The following NEIL2 variants were observed in gnomAD, a reference collection of about 807,000 sequenced individuals.
NEIL2 encodes the protein nei like DNA glycosylase 2.
In NEIL2, 23 loss-of-function variants were observed where a neutral mutation model predicts 22.2. The observed-to-expected ratio is 1.04, with a 90% CI of 0.75 to 1.47. The LOEUF (loss-of-function observed/expected upper bound fraction) is 1.47. NEIL2 is among the 40% of genes most tolerant of loss of function. The probability of loss-of-function intolerance (pLI) is 0.00; values close to 1 mark genes in which losing one functional copy is unlikely to be tolerated. For missense variants in NEIL2, 583 were observed against 404.7 expected, an observed-to-expected ratio of 1.44 and a Z score of -3.78; for synonymous variants, 229 against 164.8, an observed-to-expected ratio of 1.39 and a Z score of -2.99.
chr8:11,773,709 A>G (rs1803668656), intron 2 of NEIL2, among the ~76,000 whole-genome samples: 1 of 152,170 alleles, frequency 6.6e-6, no homozygotes, highest in African/African-American at 2.4e-5. Context: ...TTGATGAGGC[A>G]GGAGGGAGCT....
intron 2 of NEIL2, 120 bp downstream of exon 2, chr8:11,771,705 C>G: frequency 1.0e-6 from 1 of 958,228 alleles, no homozygotes. Flanking sequence ...AGCTCGGACT[C>G]CATGCAGCTC....
chr8:11,776,408 A>G (rs1171171420), intron 2 of NEIL2, among the ~76,000 whole-genome samples: 3 of 152,278 alleles, frequency 2.0e-5, no homozygotes, highest in African/African-American at 7.2e-5. Context: ...GCCAAACCAT[A>G]TCACACATTT....
At chr8:11,783,455 C>T (rs564814661) in intron 4 of NEIL2, 56 bp downstream of exon 4, 22 of 1,526,628 alleles carry the variant, frequency 1.4e-5, no homozygotes, top group Middle Eastern at 1.8e-4. Context: ...AAAAGTCGGT[C>T]CTGTGGGAGT....
Position 11,786,049 on chromosome 8 carries a change from G to A in NEIL2, c.775G>A (p.Val259Ile). ...GSVLSASRRE[V>I]LVDHVVEFST... ...AGTCCTGAGTGCCTCGCGTCGGGAG[G>A]TCCTGGTGGATCACGTGGTGGAGTT... is the stretch of plus-strand genomic sequence containing the variant. Residue 259 changes from valine (V) to isoleucine (I), a missense_variant, in exon 5 of 5, where the codon GTC becomes ATC. Val to Ile is a conservative substitution (Grantham distance 29). Coordinates refer to ENST00000284503, the MANE Select transcript of NEIL2 (RefSeq NM_145043.4). The A allele has an allele frequency of 6.2e-7, 1 of 1,614,176 alleles. No individual in the cohort carries two copies.
At chr8:11,783,801 C>T (rs1804656034) in intron 4 of NEIL2, among the ~76,000 whole-genome samples, 1 of 152,162 alleles carries the variant, frequency 6.6e-6, no homozygotes, top group South Asian at 2.1e-4. Context: ...GAGCAGTGAG[C>T]GCGTGTTCTA....
chr8:11,777,303 T>C (rs1187760658), intron 2 of NEIL2, among the ~76,000 whole-genome samples: 1 of 152,048 alleles, frequency 6.6e-6, no homozygotes, highest in Non-Finnish European at 1.5e-5. Context: ...TAGCCACACT[T>C]TTCTCTGTGC....
At chr8:11,774,805 A>C (rs1314999732) in intron 2 of NEIL2, among the ~76,000 whole-genome samples, 1 of 152,254 alleles carries the variant, frequency 6.6e-6, no homozygotes, top group Non-Finnish European at 1.5e-5. Flanking sequence ...TGCAAGTCTG[A>C]AATCCAGTGA....
chr8:11,770,155 C>T lies in NEIL2; in HGVS notation c.-183C>T, dbSNP rs1240781254. On this transcript the variant is annotated 5_prime_UTR_variant, in exon 1 of 5. Transcript: ENST00000284503. ...CTTCAGCGACTCTTCGAAGTCCCTTCCGCGTCTCATCTTTCAAGGCTGTTG... is the reference window on the plus strand; with the variant it reads ...CTTCAGCGACTCTTCGAAGTCCCTTTCGCGTCTCATCTTTCAAGGCTGTTG... 3 of 152,222 alleles carry T rather than the reference C, an allele frequency of 2.0e-5. No homozygotes were observed. Among genetic ancestry groups the T allele is most frequent in the Admixed American group, 6.5e-5 (1 of 15,288 alleles). 9.4% of individuals were successfully genotyped at this position (152,222 alleles called of 1,614,324 possible). A position where few individuals can be genotyped will look rare whatever the true frequency, so the allele number is the denominator to read the frequency against.
intron 2 of NEIL2, among the ~76,000 whole-genome samples, chr8:11,775,279 C>G (rs1214147348): frequency 1.3e-5 from 2 of 152,110 alleles, no homozygotes; most frequent in Non-Finnish European, 2.9e-5. Flanking sequence ...GGCTCAACAC[C>G]ACATGTGAAC....
intron 2 of NEIL2, 61 bp downstream of exon 2, chr8:11,771,646 C>G (rs1035874100): frequency 1.3e-6 from 2 of 1,548,104 alleles, no homozygotes; most frequent in African/African-American, 1.4e-5. Flanking sequence ...CCCCTAGGAT[C>G]TATCCCCATA....
At chr8:11,778,917 A>C (rs1585762150) in intron 2 of NEIL2, among the ~76,000 whole-genome samples, 1 of 116,060 alleles carries the variant, frequency 8.6e-6, no homozygotes, top group Admixed American at 1.3e-4. Context: ...GTGCCACTAC[A>C]CTCCAGTCTA....
At chr8:11,773,931 A>G (rs1054269121) in intron 2 of NEIL2, among the ~76,000 whole-genome samples, 1 of 152,164 alleles carries the variant, frequency 6.6e-6, no homozygotes, top group Non-Finnish European at 1.5e-5. Flanking sequence ...CCCTTCCAAG[A>G]CTGGGTAATT....
chr8:11,774,300 A>G lies in NEIL2; in HGVS notation c.138+2715A>G, dbSNP rs546582543. On this transcript the variant is annotated intron_variant, in intron 2 of 4. Transcript: ENST00000284503. The stretch of plus-strand genomic sequence containing the variant: ...TGAGGCAGGAGAATTGCTTGAACCC[A>G]GGAGACAGAGGTTGCAGTGAGCTGA... Among the ~76,000 whole-genome samples the G allele has an allele frequency of 1.6e-3, 245 of 151,592 alleles. 1 individual carries two copies. Among genetic ancestry groups the G allele is most frequent in the Non-Finnish European group, 1.6e-3 (112 of 67,982 alleles).
intron 4 of NEIL2, among the ~76,000 whole-genome samples, chr8:11,783,790 A>G (rs1804655141): frequency 1.3e-5 from 2 of 152,210 alleles, no homozygotes; most frequent in African/African-American, 4.8e-5. Context: ...GGCTGCTAAC[A>G]GAGCAGTGAG....
At chr8:11,774,677 C>T (rs1803756695) in intron 2 of NEIL2, among the ~76,000 whole-genome samples, 1 of 152,204 alleles carries the variant, frequency 6.6e-6, no homozygotes, top group Non-Finnish European at 1.5e-5. Flanking sequence ...CACCTATGAG[C>T]CTGTAAAATC....
Position 11,778,943 on chromosome 8 carries a change from G to GAAAAAAAA in NEIL2, c.139-640_139-633dup, listed in dbSNP as rs57173797. On this transcript the variant is annotated intron_variant, in intron 2 of 4. Coordinates refer to ENST00000284503, the MANE Select transcript of NEIL2 (RefSeq NM_145043.4). Reference sequence around the variant, plus strand: ...CTCCAGTCTAGGCGAGACTCCATCTGAAAAAAAAAAAAAAAAAAAAAAGAC... The same window carrying GAAAAAAAA: ...CTCCAGTCTAGGCGAGACTCCATCTGAAAAAAAAAAAAAAAAAAAAAAAAAAAAAAGAC... Among the ~76,000 whole-genome samples, 18 of 44,502 alleles carry GAAAAAAAA rather than the reference G, an allele frequency of 4.0e-4. 1 individual carries two copies. Among genetic ancestry groups the GAAAAAAAA allele is most frequent in the East Asian group, 8.6e-4 (1 of 1,164 alleles). 29.2% of individuals were successfully genotyped at this position (44,502 alleles called of 152,430 possible).
chr8:11,780,025 G>T, intron 3 of NEIL2, 75 bp downstream of exon 3: 1 of 1,316,082 alleles, frequency 7.6e-7, no homozygotes, highest in Non-Finnish European at 1.1e-6. Context: ...TGGGACTTCA[G>T]CAGTGGGGAC....
intron 2 of NEIL2, among the ~76,000 whole-genome samples, chr8:11,774,245 G>A (rs768979947): frequency 2.0e-5 from 3 of 152,032 alleles, no homozygotes; most frequent in Non-Finnish European, 4.4e-5. Flanking sequence ...CATGGTGGTG[G>A]GCGCCTGTAA....
Position 11,772,950 on chromosome 8 carries a change from T to C in NEIL2, c.138+1365T>C, listed in dbSNP as rs1270732785. Among the ~76,000 whole-genome samples the C allele has an allele frequency of 5.3e-5, 8 of 152,276 alleles. No individual in the cohort carries two copies. In the South Asian group the frequency reaches 1.4e-3, roughly 28 times the overall value. On this transcript the variant is annotated intron_variant, in intron 2 of 4. Coordinates refer to ENST00000284503, the MANE Select transcript of NEIL2 (RefSeq NM_145043.4). ...CCGCAACACACACACACAGAGGTTT[T>C]AAAACCGTTGTTAGTTAGAACTGGA...
Sources: allele counts gnomAD v4.1 joint callset (sites outside exome capture counted in the v4.1 genomes callset), GRCh38; gene constraint gnomAD v4.1.1; transcripts MANE v1.5; gene names NCBI Gene and HGNC (gene_info 2026-07-23, HGNC 2026-07-21).